Variants in PDE4D observed in about 807,000 individuals in gnomAD.
PDE4D encodes phosphodiesterase 4D.
In PDE4D, 24 loss-of-function variants were observed where a neutral mutation model predicts 87.4. The observed-to-expected ratio is 0.27, with a 90% CI of 0.20 to 0.39. PDE4D has a LOEUF of 0.39. Among genes scored for constraint, PDE4D ranks in the 10% least tolerant of loss-of-function variants. PDE4D has a pLI of 1.00. For missense variants in PDE4D, 714 were observed against 1,041.0 expected, an observed-to-expected ratio of 0.69 and a Z score of 4.32; for synonymous variants, 384 against 383.2, an observed-to-expected ratio of 1.00 and a Z score of -0.02.
chr5:59,538,306 AGG>A (rs1192624042), intron 1 of PDE4D, among the ~76,000 whole-genome samples: 87 of 152,264 alleles, frequency 5.7e-4, no homozygotes, highest in African/African-American at 2.0e-3. Context: ...AAGAGGCCTA[AGG>A]GATTGCATTT....
chr5:59,736,837 C>T (rs1439123739), intron 1 of PDE4D, among the ~76,000 whole-genome samples: 1 of 152,128 alleles, frequency 6.6e-6, no homozygotes, highest in Non-Finnish European at 1.5e-5. Context: ...TTCCAAATAT[C>T]TAACATTTGA....
At chr5:60,029,272 G>T (rs1257809972) in intron 2 of PDE4D, among the ~76,000 whole-genome samples, 1 of 152,102 alleles carries the variant, frequency 6.6e-6, no homozygotes, top group East Asian at 1.9e-4. Flanking sequence ...AAGTCAAGCT[G>T]GGAACTGTTT....
chr5:59,899,486 A>ATG (rs1752008274), intron 3 of PDE4D, among the ~76,000 whole-genome samples: 1 of 151,036 alleles, frequency 6.6e-6, no homozygotes, highest in Non-Finnish European at 1.5e-5. Context: ...AGTGGTAAAT[A>ATG]TATATATATA....
At chr5:59,885,773 A>G (rs973617626) in intron 1 of PDE4D, among the ~76,000 whole-genome samples, 4 of 152,120 alleles carry the variant, frequency 2.6e-5, no homozygotes, top group Admixed American at 2.6e-4. Context: ...TCTCTTCATA[A>G]TATTATAATT....
At chr5:59,114,892 AG>A (rs1339843330) in intron 5 of PDE4D, among the ~76,000 whole-genome samples, 2 of 146,448 alleles carry the variant, frequency 1.4e-5, no homozygotes, top group Non-Finnish European at 2.9e-5. Context: ...TGGGGGGAAA[AG>A]AAAAAGAAAA....
intron 1 of PDE4D, among the ~76,000 whole-genome samples, chr5:59,793,333 A>G (rs1052291633): frequency 2.0e-5 from 3 of 152,236 alleles, no homozygotes; most frequent in African/African-American, 7.2e-5. Flanking sequence ...GCACCTAGAG[A>G]GAGAACTAGT....
At chr5:59,930,313 A>C (rs1452173377) in intron 3 of PDE4D, among the ~76,000 whole-genome samples, 1 of 152,170 alleles carries the variant, frequency 6.6e-6, no homozygotes, top group African/African-American at 2.4e-5. Flanking sequence ...GGTGGAGTTT[A>C]AATCCAATGA....
At chr5:60,118,561 T>TCGTGTG (rs150441384) in intron 2 of PDE4D, among the ~76,000 whole-genome samples, 1,799 of 144,296 alleles carry the variant, frequency 0.012, 44 homozygotes, top group African/African-American at 0.043. Flanking sequence ...TGGATGTAGG[T>TCGTGTG]TGTGTGTGTG....
At chr5:59,094,966 A>C (rs896822251) in intron 5 of PDE4D, among the ~76,000 whole-genome samples, 1 of 152,078 alleles carries the variant, frequency 6.6e-6, no homozygotes, top group Non-Finnish European at 1.5e-5. Flanking sequence ...CAAGCTGCAC[A>C]AAGTTATAAA....
chr5:60,360,241 T>C (rs1759948986), intron 1 of PDE4D, among the ~76,000 whole-genome samples: 1 of 152,206 alleles, frequency 6.6e-6, no homozygotes, highest in Admixed American at 6.5e-5. Context: ...AACATACTCA[T>C]ATTACATTCT....
intron 1 of PDE4D, among the ~76,000 whole-genome samples, chr5:59,744,133 C>T (rs988324811): frequency 6.6e-6 from 1 of 152,126 alleles, no homozygotes; most frequent in African/African-American, 2.4e-5. Flanking sequence ...ACCAGTCCTA[C>T]CATCTGATTG....
At chr5:60,096,249 A>G (rs1331447501) in intron 2 of PDE4D, among the ~76,000 whole-genome samples, 1 of 152,046 alleles carries the variant, frequency 6.6e-6, no homozygotes. Flanking sequence ...AGCCTCAGAA[A>G]TAACTCCACA....
At chr5:59,245,195 A>T (rs935389272) in intron 1 of PDE4D, among the ~76,000 whole-genome samples, 1 of 152,108 alleles carries the variant, frequency 6.6e-6, no homozygotes, top group African/African-American at 2.4e-5. Context: ...GGGGAGCTCC[A>T]AGCTTAAATG....
At chr5:60,486,231 C>A (rs1187724248) in intron 1 of PDE4D, among the ~76,000 whole-genome samples, 1 of 152,122 alleles carries the variant, frequency 6.6e-6, no homozygotes, top group East Asian at 1.9e-4. Flanking sequence ...AGATGCACTC[C>A]TTTCTCCCAC....
At chr5:59,630,305 T>C (rs893500903) in intron 1 of PDE4D, among the ~76,000 whole-genome samples, 2 of 152,206 alleles carry the variant, frequency 1.3e-5, no homozygotes, top group African/African-American at 4.8e-5. Context: ...TTCCCTTGTA[T>C]TTTACGTGTC....
intron 1 of PDE4D, among the ~76,000 whole-genome samples, chr5:59,400,499 C>T (rs1449643650): frequency 3.5e-5 from 5 of 143,246 alleles, no homozygotes; most frequent in East Asian, 2.1e-4. Context: ...AACCAAACAC[C>T]GCATATTCTC....
At chr5:59,692,959 TAAG>T (rs1455107317) in intron 1 of PDE4D, among the ~76,000 whole-genome samples, 1 of 152,132 alleles carries the variant, frequency 6.6e-6, no homozygotes, top group Non-Finnish European at 1.5e-5. Flanking sequence ...AGTATTCAAA[TAAG>T]AAGTTGTTTG....
At chr5:59,914,867 GTGTGTGTGT>G (rs1561855531) in intron 3 of PDE4D, among the ~76,000 whole-genome samples, 1 of 16,146 alleles carries the variant, frequency 6.2e-5, no homozygotes, top group African/African-American at 9.7e-5. Flanking sequence ...ACTGATAGGG[GTGTGTGTGT>G]GTGTGTGTGT....
intron 1 of PDE4D, among the ~76,000 whole-genome samples, chr5:60,291,704 A>G (rs1752912990): frequency 6.6e-6 from 1 of 152,086 alleles, no homozygotes; most frequent in African/African-American, 2.4e-5. Context: ...AAAAAAAACC[A>G]TGTAAGGCTA....
Sources: gnomAD v4.1 joint callset for allele counts (sites outside exome capture counted in the v4.1 genomes callset) on GRCh38, gnomAD v4.1.1 for gene constraint, MANE v1.5 for transcripts, NCBI Gene and HGNC (gene_info 2026-07-23, HGNC 2026-07-21) for gene names.